GPC5: variants seen among roughly 807,000 people sequenced by gnomAD.
GPC5 encodes the protein glypican 5, also known as glypican-5.
A neutral mutation model predicts 53.9 loss-of-function variants in GPC5; 47 were observed. That is an observed-to-expected ratio of 0.87 (90% CI 0.69 to 1.11). The LOEUF (loss-of-function observed/expected upper bound fraction) is 1.11. Ranked by LOEUF, GPC5 falls within the 50% of genes most tolerant of loss-of-function variation. GPC5 has a pLI of 0.00. For missense variants in GPC5, 748 were observed against 713.1 expected (o/e 1.05, Z -0.56); for synonymous variants, 286 against 263.3 (o/e 1.09, Z -0.84).
chr13:92,358,993 GTGGGTTTTTCTTTTCTGCCACA>G (rs1247843361), intron 7 of GPC5, among the ~76,000 whole-genome samples: 1 of 151,726 alleles, frequency 6.6e-6, no homozygotes, highest in African/African-American at 2.4e-5. Context: ...TCCCCTGAAT[GTGGGTTTTTCTTTTCTGCCACA>G]TGGCTAGGCT....
chr13:92,476,930 A>T (rs1386996006), intron 7 of GPC5, among the ~76,000 whole-genome samples: 1 of 146,554 alleles, frequency 6.8e-6, no homozygotes, highest in East Asian at 2.1e-4. Flanking sequence ...GCATTGGGAG[A>T]TATACCTAAT....
At chr13:92,697,072 G>C (rs143431833) in intron 7 of GPC5, among the ~76,000 whole-genome samples, 80,925 of 149,232 alleles carry the variant, frequency 0.54, 22,797 homozygotes, top group East Asian at 0.83. Context: ...TGTTTTGGTA[G>C]CAGTACCATG....
chr13:91,961,246 T>C (rs1314877769), intron 6 of GPC5, among the ~76,000 whole-genome samples: 1 of 151,934 alleles, frequency 6.6e-6, no homozygotes, highest in Non-Finnish European at 1.5e-5. Flanking sequence ...ACTTAATCAT[T>C]ACACATTCTA....
intron 7 of GPC5, among the ~76,000 whole-genome samples, chr13:92,733,259 T>G (rs1888854519): frequency 6.6e-6 from 1 of 151,772 alleles, no homozygotes; most frequent in Non-Finnish European, 1.5e-5. Context: ...AACTCAATGT[T>G]GTGCTTGTCT....
chr13:91,835,193 C>T (rs1214104292), intron 5 of GPC5, among the ~76,000 whole-genome samples: 1 of 152,144 alleles, frequency 6.6e-6, no homozygotes, highest in Non-Finnish European at 1.5e-5. Context: ...GAGAAACCAT[C>T]TCATGCCAGT....
intron 5 of GPC5, among the ~76,000 whole-genome samples, chr13:91,905,865 A>G (rs2039547350): frequency 6.6e-6 from 1 of 152,126 alleles, no homozygotes; most frequent in Non-Finnish European, 1.5e-5. Context: ...TACTCAGATG[A>G]TAGTATTTGT....
At chr13:91,695,297 G>T (rs1364955520) in intron 3 of GPC5, among the ~76,000 whole-genome samples, 1 of 152,144 alleles carries the variant, frequency 6.6e-6, no homozygotes, top group Admixed American at 6.5e-5. Flanking sequence ...AGGTACCAAT[G>T]ACTGCTGTGG....
chr13:92,318,839 T>C (rs1355497280), intron 7 of GPC5, among the ~76,000 whole-genome samples: 2 of 152,136 alleles, frequency 1.3e-5, no homozygotes, highest in Admixed American at 6.6e-5. Flanking sequence ...AATATTTGAA[T>C]AGAGGGTAGA....
intron 5 of GPC5, among the ~76,000 whole-genome samples, chr13:91,858,267 C>T (rs891574759): frequency 1.3e-5 from 2 of 151,822 alleles, no homozygotes; most frequent in Admixed American, 1.3e-4. Flanking sequence ...GAAAGGCTTT[C>T]AGTTTCCCCC....
chr13:92,416,364 G>T (rs1327648387), intron 7 of GPC5, among the ~76,000 whole-genome samples: 1 of 152,186 alleles, frequency 6.6e-6, no homozygotes, highest in Non-Finnish European at 1.5e-5. Flanking sequence ...TAGCATGTTA[G>T]AATGAGGTCA....
chr13:92,727,036 T>C (rs1335045282), intron 7 of GPC5, among the ~76,000 whole-genome samples: 1 of 151,490 alleles, frequency 6.6e-6, no homozygotes, highest in Non-Finnish European at 1.5e-5. Context: ...TAGAAATGCA[T>C]TCAGACTCTT....
intron 1 of GPC5, among the ~76,000 whole-genome samples, chr13:91,439,168 G>A (rs1880232379): frequency 6.6e-6 from 1 of 152,206 alleles, no homozygotes; most frequent in Non-Finnish European, 1.5e-5. Context: ...GTTGGCCAGT[G>A]GTTCTCAACC....
At chr13:91,481,845 C>G (rs1014637876) in intron 2 of GPC5, among the ~76,000 whole-genome samples, 2 of 152,118 alleles carry the variant, frequency 1.3e-5, no homozygotes, top group Non-Finnish European at 2.9e-5. Context: ...ATCCCAAATG[C>G]CTGTTCTTCA....
chr13:92,498,306 T>G (rs1880052407), intron 7 of GPC5, among the ~76,000 whole-genome samples: 1 of 152,118 alleles, frequency 6.6e-6, no homozygotes, highest in South Asian at 2.1e-4. Context: ...CTTTTAGCAC[T>G]TAGGAGGGGC....
intron 2 of GPC5, among the ~76,000 whole-genome samples, chr13:91,634,715 G>A (rs1451957675): frequency 2.0e-5 from 3 of 151,886 alleles, no homozygotes; most frequent in African/African-American, 7.2e-5. Context: ...TTATATACCA[G>A]TATTACCAAT....
intron 5 of GPC5, among the ~76,000 whole-genome samples, chr13:91,817,320 A>G (rs1361304765): frequency 6.6e-6 from 1 of 152,208 alleles, no homozygotes; most frequent in Non-Finnish European, 1.5e-5. Flanking sequence ...AAAGGAACAA[A>G]TGTTACAAAA....
At chr13:92,099,247 C>T (rs2041446393) in intron 6 of GPC5, among the ~76,000 whole-genome samples, 2 of 152,080 alleles carry the variant, frequency 1.3e-5, no homozygotes, top group African/African-American at 4.8e-5. Flanking sequence ...AGTGATTTGC[C>T]ATCACCTATC....
chr13:91,927,399 G>T (rs1447670614), intron 6 of GPC5, among the ~76,000 whole-genome samples: 1 of 151,988 alleles, frequency 6.6e-6, no homozygotes, highest in Admixed American at 6.6e-5. Flanking sequence ...ATTATCAATA[G>T]TTTGCTTTTC....
intron 7 of GPC5, among the ~76,000 whole-genome samples, chr13:92,858,782 G>A (rs1180053842): frequency 6.6e-6 from 1 of 151,972 alleles, no homozygotes; most frequent in Non-Finnish European, 1.5e-5. Flanking sequence ...TTACGAACCT[G>A]CACATGTACC....
Sources: allele counts gnomAD v4.1 joint callset (sites outside exome capture counted in the v4.1 genomes callset), GRCh38; gene constraint gnomAD v4.1.1; transcripts MANE v1.5; gene names NCBI Gene and HGNC (gene_info 2026-07-23, HGNC 2026-07-21).